Variants in PDE10A observed in about 807,000 individuals in gnomAD.
The protein encoded by PDE10A is phosphodiesterase 10A.
PDE10A carries 39 observed loss-of-function variants against 97.7 expected under a neutral mutation model. The observed-to-expected ratio is 0.40, with a 90% CI of 0.31 to 0.52. The LOEUF (loss-of-function observed/expected upper bound fraction) is 0.52. PDE10A is among the 20% of genes least tolerant of loss of function. PDE10A has a pLI of 0.56. For missense variants in PDE10A, 731 were observed against 1,047.8 expected (o/e 0.70, Z 4.17); for synonymous variants, 371 against 376.8 (o/e 0.98, Z 0.18).
At chr6:165,600,181 G>A (rs111648228) in intron 1 of PDE10A, among the ~76,000 whole-genome samples, 40 of 152,244 alleles carry the variant, frequency 2.6e-4, no homozygotes, top group Non-Finnish European at 4.6e-4. Context: ...CTCCTCCTCC[G>A]AGGATCCCAC....
intron 10 of PDE10A, among the ~76,000 whole-genome samples, chr6:165,422,926 G>A (rs1788825347): frequency 6.6e-6 from 1 of 151,984 alleles, no homozygotes; most frequent in South Asian, 2.1e-4. Context: ...AAGGGTAGTA[G>A]GTAAGAAGAG....
At chr6:165,617,609 G>T (rs3008019) in intron 1 of PDE10A, among the ~76,000 whole-genome samples, 38,226 of 151,994 alleles carry the variant, frequency 0.25, 4,874 homozygotes, top group African/African-American at 0.3. Context: ...GAAAGACTGC[G>T]ATTAGGGTGA....
intron 2 of PDE10A, among the ~76,000 whole-genome samples, chr6:165,490,281 A>G (rs1279001215): frequency 6.6e-6 from 1 of 152,228 alleles, no homozygotes; most frequent in Non-Finnish European, 1.5e-5. Flanking sequence ...AGGGATTGTG[A>G]TTCTATCTTT....
At chr6:165,689,956 C>G (rs1463739118) in intron 1 of PDE10A, among the ~76,000 whole-genome samples, 1 of 152,124 alleles carries the variant, frequency 6.6e-6, no homozygotes, top group East Asian at 1.9e-4. Flanking sequence ...CATAGCTTTC[C>G]CAAATAAGTA....
intron 1 of PDE10A, among the ~76,000 whole-genome samples, chr6:165,977,987 G>T (rs1296371734): frequency 6.6e-6 from 1 of 152,222 alleles, no homozygotes; most frequent in Non-Finnish European, 1.5e-5. Flanking sequence ...CCCAGGTAAC[G>T]AAGATGTGCT....
chr6:165,399,919 A>G (rs572785942), intron 13 of PDE10A, among the ~76,000 whole-genome samples: 1 of 152,324 alleles, frequency 6.6e-6, no homozygotes, highest in African/African-American at 2.4e-5. Flanking sequence ...AGCATGATTT[A>G]TAATCCTTTG....
intron 1 of PDE10A, among the ~76,000 whole-genome samples, chr6:165,571,842 G>GC (rs1165607518): frequency 6.6e-6 from 1 of 152,144 alleles, no homozygotes; most frequent in Non-Finnish European, 1.5e-5. Flanking sequence ...TCATTACACA[G>GC]CCCCCAACTT....
intron 1 of PDE10A, among the ~76,000 whole-genome samples, chr6:165,563,224 AAG>A (rs1165766801): frequency 7.2e-6 from 1 of 139,250 alleles, no homozygotes; most frequent in Admixed American, 7.2e-5. Flanking sequence ...AGAAAAAAGA[AAG>A]AGAGGAAGGG....
rs1787891148 is a variant in PDE10A at position 165,619,135 on chromosome 6, T to C, written c.865+42812A>G. Among the ~76,000 whole-genome samples the C allele has an allele frequency of 1.3e-5, 2 of 149,958 alleles. 1 individual carries two copies. The highest frequency in any genetic ancestry group is 4.3e-4 in the South Asian group (2 of 4,662). The stretch of plus-strand genomic sequence containing the variant: ...TAGTGTAGTCTAGCATAGTCTAGTG[T>C]AGTGTAGTCTAGTGTCGTGTAGTGT... On this transcript the variant is annotated intron_variant, in intron 1 of 21. Transcript: ENST00000539869.
rs371559478 is a variant in PDE10A, at chr6:165,327,744, A to G, written c.*5281T>C. 1.3e-5 allele frequency: 2 copies of G among 152,356 alleles called. No homozygotes were observed. Among genetic ancestry groups the G allele is most frequent in the East Asian group, 1.9e-4 (1 of 5,196 alleles). The allele number at this position is 152,356 out of a possible 1,614,324, so 9.4% of individuals were successfully genotyped here. A position where few individuals can be genotyped will look rare whatever the true frequency, so the allele number is the denominator to read the frequency against. ...CATTTTTTAAAATTTACTAACATCA[A>G]CTATGATAAAGTTAGATACTGTTAA... On this transcript the variant is annotated 3_prime_UTR_variant, in exon 22 of 22. Coordinates refer to ENST00000539869, the MANE Select transcript of PDE10A (RefSeq NM_001385079.1).
chr6:165,707,762 A>G (rs962610401), intron 1 of PDE10A, among the ~76,000 whole-genome samples: 12 of 151,782 alleles, frequency 7.9e-5, no homozygotes, highest in African/African-American at 2.9e-4. Context: ...TGAGTGTGTG[A>G]AAGTGTATGT....
At chr6:165,494,660 A>G (rs2128290547) in intron 2 of PDE10A, among the ~76,000 whole-genome samples, 1 of 152,208 alleles carries the variant, frequency 6.6e-6, no homozygotes. Context: ...TGATTTTCAT[A>G]TGAACTAGCT....
intron 1 of PDE10A, among the ~76,000 whole-genome samples, chr6:165,869,491 G>T (rs577130506): frequency 1.4e-4 from 22 of 152,136 alleles, no homozygotes; most frequent in Non-Finnish European, 3.2e-4. Context: ...TGAATTGAAA[G>T]AATTAATGTT....
At chr6:165,387,174 A>T (rs1269354369) in intron 17 of PDE10A, among the ~76,000 whole-genome samples, 1 of 152,206 alleles carries the variant, frequency 6.6e-6, no homozygotes, top group Admixed American at 6.5e-5. Flanking sequence ...CAAGCTCAAC[A>T]TCAGCTACCT....
rs9365915 is a variant in PDE10A at position 165,725,717 on chromosome 6, G to A, written c.-614-182149C>T. 1.3e-4 allele frequency among the ~76,000 whole-genome samples: 19 copies of A among 151,900 alleles called. 1 individual carries two copies. The highest frequency in any genetic ancestry group is 1.2e-3 in the East Asian group (6 of 5,160). On this transcript the variant is annotated intron_variant, in intron 1 of 19. Coordinates refer to the PDE10A transcript ENST00000366882. Reference sequence around the variant, plus strand: ...ATCAACCATTTCTACTTATTCCTCCGTAGCAATCTTGACCTGGAAGTCACG... The same window carrying A: ...ATCAACCATTTCTACTTATTCCTCCATAGCAATCTTGACCTGGAAGTCACG...
chr6:165,931,812 G>A (rs557805780), intron 1 of PDE10A, among the ~76,000 whole-genome samples: 2 of 152,270 alleles, frequency 1.3e-5, no homozygotes, highest in Middle Eastern at 3.4e-3. Flanking sequence ...CTTCCAAAGC[G>A]TGGCTGTGAT....
chr6:165,388,643 T>C lies in PDE10A; in HGVS notation c.2455-190A>G, dbSNP rs1785463664. Among the ~76,000 whole-genome samples, 1 of 152,112 alleles carries C rather than the reference T, an allele frequency of 6.6e-6. No homozygotes were observed. The highest frequency in any genetic ancestry group is 2.1e-4 in the South Asian group (1 of 4,828). ...TGGAAATTCCAGATAATCTAACTCA[T>C]TTGTAGGCCCTTTCTTTGTTTCTCT... is the stretch of plus-strand genomic sequence containing the variant. On this transcript the variant is annotated intron_variant, in intron 16 of 21. Coordinates refer to ENST00000539869, the MANE Select transcript of PDE10A (RefSeq NM_001385079.1). This position sits in a 1 kb window ranked among gnomAD's most constrained non-coding sequence, Gnocchi z 4.0.
intron 1 of PDE10A, among the ~76,000 whole-genome samples, chr6:165,669,231 T>C (rs561132109): frequency 6.6e-6 from 1 of 152,346 alleles, no homozygotes; most frequent in South Asian, 2.1e-4. Flanking sequence ...GTGTTTGTTC[T>C]CTATAGGACT....
intron 1 of PDE10A, among the ~76,000 whole-genome samples, chr6:165,801,912 A>G (rs778962611): frequency 2.6e-5 from 4 of 152,180 alleles, no homozygotes; most frequent in Non-Finnish European, 5.9e-5. Flanking sequence ...TATATGCCAA[A>G]GGTGGATGCT....
Sources: allele counts gnomAD v4.1 joint callset (sites outside exome capture counted in the v4.1 genomes callset), GRCh38; gene constraint gnomAD v4.1.1; non-coding constraint Gnocchi (gnomAD v3.1); transcripts MANE v1.5; gene names NCBI Gene and HGNC (gene_info 2026-07-23, HGNC 2026-07-21).